Variants in TLN2 observed in about 807,000 individuals in gnomAD.
The protein encoded by TLN2 is talin 2, also known as talin-2.
A neutral mutation model predicts 294.7 loss-of-function variants in TLN2; 118 were observed. The observed-to-expected ratio is 0.40, with a 90% CI of 0.34 to 0.47. The LOEUF is 0.47. TLN2 is among the 20% of genes least tolerant of loss of function. The probability of loss-of-function intolerance (pLI) is 0.84; values close to 1 mark genes in which losing one functional copy is unlikely to be tolerated. For missense variants in TLN2, 3,083 were observed against 3,282.2 expected, an observed-to-expected ratio of 0.94 and a Z score of 1.48; for synonymous variants, 1,431 against 1,304.5, an observed-to-expected ratio of 1.10 and a Z score of -2.09.
At chr15:62,635,826 T>A (rs546058156) in intron 3 of TLN2, among the ~76,000 whole-genome samples, 1 of 152,262 alleles carries the variant, frequency 6.6e-6, no homozygotes, top group East Asian at 1.9e-4. Context: ...AACCACATTA[T>A]CAATAAAAAA....
At chr15:62,542,919 C>G (rs2041780866) in intron 1 of TLN2, among the ~76,000 whole-genome samples, 1 of 152,134 alleles carries the variant, frequency 6.6e-6, no homozygotes, top group Non-Finnish European at 1.5e-5. Context: ...ACTAGATTGA[C>G]TCAAGTCATG....
intron 2 of TLN2, among the ~76,000 whole-genome samples, chr15:62,592,722 A>C (rs368355789): frequency 6.6e-6 from 1 of 152,240 alleles, no homozygotes; most frequent in Non-Finnish European, 1.5e-5. Context: ...CACAAGGCTA[A>C]GACATTCTGG....
At chr15:62,447,283 C>T (rs2035870247) in intron 1 of TLN2, among the ~76,000 whole-genome samples, 1 of 151,954 alleles carries the variant, frequency 6.6e-6, no homozygotes, top group South Asian at 2.1e-4. Flanking sequence ...GTAGTTTCGA[C>T]CTGGATGGCC....
chr15:62,617,915 T>C lies in TLN2; in HGVS notation c.-161-436T>C, dbSNP rs373456581. On this transcript the variant is annotated intron_variant, in intron 2 of 58. Transcript: ENST00000636159. ...AGTCCTTTCTGAAAAGAAAGAAGAC[T>C]CTTGAAGGAAGCTGAGTTATCCAAG... Among the ~76,000 whole-genome samples, 388 of 152,254 alleles carry C rather than the reference T, an allele frequency of 2.5e-3. 4 individuals carry two copies. Among genetic ancestry groups the C allele is most frequent in the African/African-American group, 9.1e-3 (378 of 41,552 alleles).
chr15:62,829,184 T>A (rs1482714964), intron 54 of TLN2: 3 of 148,344 alleles, frequency 2.0e-5, no homozygotes, highest in East Asian at 3.9e-4. Context: ...TATATATATA[T>A]AATACATGAG....
intron 1 of TLN2, among the ~76,000 whole-genome samples, chr15:62,425,043 C>G (rs1277101287): frequency 1.3e-5 from 2 of 149,314 alleles, no homozygotes; most frequent in Non-Finnish European, 3.0e-5. Flanking sequence ...GCCTCTGCCT[C>G]CCCAGTTCAA....
At chr15:62,403,985 A>G (rs925470350) in intron 1 of TLN2, among the ~76,000 whole-genome samples, 3 of 152,356 alleles carry the variant, frequency 2.0e-5, no homozygotes, top group East Asian at 1.9e-4. Context: ...GCCTGCAAGA[A>G]TGCCTGGCAC....
chr15:62,542,445 C>T (rs976786234), intron 1 of TLN2, among the ~76,000 whole-genome samples: 3 of 152,214 alleles, frequency 2.0e-5, no homozygotes, highest in African/African-American at 7.2e-5. Flanking sequence ...CTGCCTTGGC[C>T]TCCCAAAGTG....
chr15:62,566,420 T>C (rs2043397799), intron 1 of TLN2, among the ~76,000 whole-genome samples: 1 of 152,066 alleles, frequency 6.6e-6, no homozygotes, highest in Non-Finnish European at 1.5e-5. Context: ...CACACCCACG[T>C]GTGTAAGAAC....
chr15:62,749,097 A>G (rs889000447), intron 33 of TLN2, among the ~76,000 whole-genome samples: 1 of 152,254 alleles, frequency 6.6e-6, no homozygotes, highest in African/African-American at 2.4e-5. Context: ...AATGCCGGTT[A>G]TATTGAGATG....
intron 10 of TLN2, among the ~76,000 whole-genome samples, chr15:62,674,256 T>C (rs1264257354): frequency 6.6e-6 from 1 of 152,212 alleles, no homozygotes; most frequent in Non-Finnish European, 1.5e-5. Context: ...TGGAAATTAG[T>C]GCCTTTTAAA....
intron 14 of TLN2, 54 bp from the exon 15 acceptor site, chr15:62,697,634 T>C: frequency 6.5e-7 from 1 of 1,545,152 alleles, no homozygotes. Context: ...GGTCTCCTCA[T>C]TGCACTCCAC....
At chr15:62,498,848 T>C (rs1028168818) in intron 1 of TLN2, among the ~76,000 whole-genome samples, 4 of 152,188 alleles carry the variant, frequency 2.6e-5, no homozygotes, top group African/African-American at 9.6e-5. Flanking sequence ...TAAAAGGAAT[T>C]TGGCGAAACT....
At chr15:62,594,368 C>T (rs1458768417) in intron 2 of TLN2, among the ~76,000 whole-genome samples, 2 of 152,116 alleles carry the variant, frequency 1.3e-5, no homozygotes, top group East Asian at 3.9e-4. Context: ...CCACCACGCC[C>T]AGCTAATTTT....
intron 1 of TLN2, among the ~76,000 whole-genome samples, chr15:62,586,733 C>T (rs1459666086): frequency 6.6e-6 from 1 of 152,226 alleles, no homozygotes; most frequent in Non-Finnish European, 1.5e-5. Flanking sequence ...AATGGCCCAT[C>T]TGTACAATTA....
chr15:62,456,908 G>A (rs139290195), intron 1 of TLN2, among the ~76,000 whole-genome samples: 33 of 152,236 alleles, frequency 2.2e-4, no homozygotes, highest in African/African-American at 7.7e-4. Context: ...TCTGGCATTA[G>A]GCCACCAAGC....
intron 1 of TLN2, among the ~76,000 whole-genome samples, chr15:62,462,636 G>T (rs115410493): frequency 6.6e-6 from 1 of 152,168 alleles, no homozygotes; most frequent in Non-Finnish European, 1.5e-5. Flanking sequence ...GACAAGTGAG[G>T]TAGTGCTATA....
intron 3 of TLN2, among the ~76,000 whole-genome samples, chr15:62,619,307 G>A (rs2048570947): frequency 6.6e-6 from 1 of 152,184 alleles, no homozygotes; most frequent in South Asian, 2.1e-4. Context: ...TGCTGGAGTG[G>A]GCGTGCCCAT....
rs150904177 is a variant in TLN2, at chr15:62,435,387, T to C, written c.-238+44702T>C. Among the ~76,000 whole-genome samples, 246 of 152,338 alleles carry C rather than the reference T, an allele frequency of 1.6e-3. 2 individuals are homozygous for C. Among genetic ancestry groups the C allele is most frequent in the African/African-American group, 5.7e-3 (236 of 41,584 alleles). On this transcript the variant is annotated intron_variant, in intron 1 of 58. Coordinates refer to ENST00000636159, the MANE Select transcript of TLN2 (RefSeq NM_015059.3). ...AACTAATTTACACTACCACCAACAG[T>C]GTAAAACCATTCATTTTTCTCCGCA...
Sources: allele counts gnomAD v4.1 joint callset (sites outside exome capture counted in the v4.1 genomes callset), GRCh38; gene constraint gnomAD v4.1.1; transcripts MANE v1.5; gene names NCBI Gene and HGNC (gene_info 2026-07-23, HGNC 2026-07-21).